SLCO3A1: variants seen among roughly 807,000 people sequenced by gnomAD.
SLCO3A1 encodes solute carrier organic anion transporter family member 3A1, also known as PGE1 transporter.
In SLCO3A1, 27 loss-of-function variants were observed where a neutral mutation model predicts 63.1. The ratio of observed to expected loss-of-function variants is 0.43; its 90% CI spans 0.32 to 0.59. The LOEUF (loss-of-function observed/expected upper bound fraction) is 0.59, where lower values mean the gene tolerates loss of function less well. SLCO3A1 is among the 20% of genes least tolerant of loss of function. SLCO3A1 has a pLI of 0.09. For synonymous variants in SLCO3A1, 473 were observed against 409.9 expected, an observed-to-expected ratio of 1.15 and a Z score of -1.86; for missense variants, 773 against 945.8, an observed-to-expected ratio of 0.82 and a Z score of 2.40.
At chr15:92,161,371 A>T (rs2048434578) in intron 9 of SLCO3A1, among the ~76,000 whole-genome samples, 1 of 152,182 alleles carries the variant, frequency 6.6e-6, no homozygotes, top group Admixed American at 6.5e-5. Flanking sequence ...ACCCTGGATG[A>T]TGATTGTCAT....
Position 91,941,010 on chromosome 15 carries a change from T to C in SLCO3A1, c.646+24552T>C, listed in dbSNP as rs1320237075. On this transcript the variant is annotated intron_variant, in intron 2 of 9. Coordinates refer to ENST00000318445, the MANE Select transcript of SLCO3A1 (RefSeq NM_013272.4). The surrounding 1 kb of genome is among the most constrained non-coding windows in gnomAD (Gnocchi z 4.4). ...CCTGCCGTTTTAGGAGGGTGATTTATTGAAGTGAAGGTAGAGGGAGTGGGT... is the reference window on the plus strand; with the variant it reads ...CCTGCCGTTTTAGGAGGGTGATTTACTGAAGTGAAGGTAGAGGGAGTGGGT... Among the ~76,000 whole-genome samples, 1 of 152,140 alleles carries C rather than the reference T, an allele frequency of 6.6e-6. No homozygotes were observed. The highest frequency in any genetic ancestry group is 1.5e-5 in the Non-Finnish European group (1 of 68,036).
rs908183059 is a variant in SLCO3A1, at chr15:91,885,063, A to C, written c.181-30930A>C. ...GTTCTCCAATTCTTGTTCCTTTAGA[A>C]GTAAAAAGCCTTTCCGTCCCATATA... On this transcript the variant is annotated intron_variant, in intron 1 of 9. Transcript: ENST00000318445. This position sits in a 1 kb window ranked among gnomAD's most constrained non-coding sequence, Gnocchi z 4.7. Among the ~76,000 whole-genome samples the C allele has an allele frequency of 6.6e-6, 1 of 152,094 alleles. No homozygotes were observed. The highest frequency in any genetic ancestry group is 1.5e-5 in the Non-Finnish European group (1 of 68,008).
At chr15:91,944,482 G>A (rs72751996) in intron 2 of SLCO3A1, among the ~76,000 whole-genome samples, 5,047 of 152,166 alleles carry the variant, frequency 0.033, 111 homozygotes, top group Non-Finnish European at 0.05. Flanking sequence ...CTGCAGCGTG[G>A]GGCTCAGAGT....
At chr15:92,023,798 T>G (rs1168376131) in intron 2 of SLCO3A1, among the ~76,000 whole-genome samples, 1 of 152,202 alleles carries the variant, frequency 6.6e-6, no homozygotes, top group Non-Finnish European at 1.5e-5. Context: ...CAAACTTAAC[T>G]TTAAAAGTTG....
chr15:92,025,229 GT>G (rs2046558397), intron 2 of SLCO3A1, among the ~76,000 whole-genome samples: 1 of 149,910 alleles, frequency 6.7e-6, no homozygotes, highest in African/African-American at 2.5e-5. Context: ...TGTTAGAAGA[GT>G]GGTATTTTCA....
intron 7 of SLCO3A1, among the ~76,000 whole-genome samples, chr15:92,130,723 A>G (rs1377258159): frequency 1.3e-5 from 2 of 152,052 alleles, no homozygotes; most frequent in African/African-American, 4.8e-5. Flanking sequence ...GAGTCAGAGA[A>G]ATCTCAGGCC....
In SLCO3A1 at chr15:91,872,476, G is replaced by C. The variant is rs1373579724; in HGVS notation, c.180+18388G>C. 6.6e-6 allele frequency among the ~76,000 whole-genome samples: 1 copy of C among 151,980 alleles called. No homozygotes were observed. The highest frequency in any genetic ancestry group is 1.5e-5 in the Non-Finnish European group (1 of 68,010). On this transcript the variant is annotated intron_variant, in intron 1 of 9. Coordinates refer to ENST00000318445, the MANE Select transcript of SLCO3A1 (RefSeq NM_013272.4). The surrounding 1 kb of genome is among the most constrained non-coding windows in gnomAD (Gnocchi z 4.1). Reference sequence around the variant, plus strand: ...GAACCCGGGAGGCGGATAGGTTGCAGTGAGCCGAGACCATGCCACCGCACT... The same window carrying C: ...GAACCCGGGAGGCGGATAGGTTGCACTGAGCCGAGACCATGCCACCGCACT...
intron 4 of SLCO3A1, among the ~76,000 whole-genome samples, chr15:92,117,823 T>C (rs2047814214): frequency 6.6e-6 from 1 of 152,220 alleles, no homozygotes; most frequent in South Asian, 2.1e-4. Flanking sequence ...GCTTACCTCA[T>C]TGTCCTCTGT....
In SLCO3A1 at chr15:91,853,729, G is replaced by GGCGGTT; in HGVS notation, c.-180_-179insGCGGTT. The GGCGGTT allele has an allele frequency of 1.8e-6, 1 of 563,430 alleles. No individual in the cohort carries two copies. Among genetic ancestry groups the GGCGGTT allele is most frequent in the Non-Finnish European group, 2.3e-6 (1 of 433,636 alleles). The allele number at this position is 563,430 out of a possible 1,614,324, so 34.9% of individuals were successfully genotyped here. A position where few individuals can be genotyped will look rare whatever the true frequency, so the allele number is the denominator to read the frequency against. On this transcript the variant is annotated 5_prime_UTR_variant, in exon 1 of 10. Coordinates refer to ENST00000318445, the MANE Select transcript of SLCO3A1 (RefSeq NM_013272.4). ...AGGGGCGATCGCGGCGGCGGCGGCG[G>GGCGGTT]CGGCGAGGAGCTGTGCCTTCCACCT...
intron 7 of SLCO3A1, among the ~76,000 whole-genome samples, chr15:92,130,039 C>T (rs2047973701): frequency 6.6e-6 from 1 of 152,024 alleles, no homozygotes; most frequent in African/African-American, 2.4e-5. Flanking sequence ...TTTTAATATC[C>T]AGAAAGTTAC....
At chr15:92,026,194 A>G (rs1216688078) in intron 2 of SLCO3A1, among the ~76,000 whole-genome samples, 2 of 152,150 alleles carry the variant, frequency 1.3e-5, no homozygotes, top group Non-Finnish European at 2.9e-5. Flanking sequence ...GTCGTTAGGA[A>G]AGGCAAGCAG....
Position 92,033,063 on chromosome 15 carries a change from G to A in SLCO3A1, c.647-61818G>A, listed in dbSNP as rs2046675420. 6.6e-6 allele frequency among the ~76,000 whole-genome samples: 1 copy of A among 152,072 alleles called. No homozygotes were observed. The highest frequency in any genetic ancestry group is 1.5e-5 in the Non-Finnish European group (1 of 68,020). On this transcript the variant is annotated intron_variant, in intron 2 of 9. Coordinates refer to ENST00000318445, the MANE Select transcript of SLCO3A1 (RefSeq NM_013272.4). The surrounding 1 kb of genome is among the most constrained non-coding windows in gnomAD (Gnocchi z 4.5). ...GCACTTAGAGCATGGATCAGAGCAAGGTATGTACAGGAAACTTTGTGATGC... is the reference window on the plus strand; with the variant it reads ...GCACTTAGAGCATGGATCAGAGCAAAGTATGTACAGGAAACTTTGTGATGC...
At chr15:92,126,506 A>C (rs2047925683) in intron 6 of SLCO3A1, among the ~76,000 whole-genome samples, 1 of 152,182 alleles carries the variant, frequency 6.6e-6, no homozygotes, top group African/African-American at 2.4e-5. Context: ...TGGCAGACTC[A>C]CATCGCGATT....
chr15:92,120,353 T>A, intron 4 of SLCO3A1, 112 bp from the exon 5 acceptor site: 2 of 1,121,740 alleles, frequency 1.8e-6, no homozygotes, highest in Non-Finnish European at 2.6e-6. Context: ...GGATGCTGTT[T>A]GCTGAAATGG....
intron 2 of SLCO3A1, among the ~76,000 whole-genome samples, chr15:91,991,903 CCAAAGT>C (rs1202390096): frequency 6.6e-6 from 1 of 151,486 alleles, no homozygotes; most frequent in East Asian, 2.0e-4. Flanking sequence ...TGGGGGTAAT[CCAAAGT>C]CAAAGATAGT....
At chr15:92,002,279 A>G (rs1214519555) in intron 2 of SLCO3A1, among the ~76,000 whole-genome samples, 1 of 152,194 alleles carries the variant, frequency 6.6e-6, no homozygotes, top group East Asian at 1.9e-4. Context: ...CCCTGTTCCA[A>G]GGCAGGCAAC....
chr15:91,951,705 C>A (rs1038142604), intron 2 of SLCO3A1, among the ~76,000 whole-genome samples: 3 of 151,962 alleles, frequency 2.0e-5, no homozygotes, highest in Admixed American at 6.6e-5. Context: ...AAGGCCTGCA[C>A]CACCACGCCT....
chr15:91,976,216 A>G (rs1026350027), intron 2 of SLCO3A1, among the ~76,000 whole-genome samples: 4 of 152,088 alleles, frequency 2.6e-5, no homozygotes, highest in African/African-American at 7.2e-5. Flanking sequence ...AAGCAAAGAA[A>G]CTCTATACAC....
chr15:92,108,161 C>T (rs960299962), intron 4 of SLCO3A1, among the ~76,000 whole-genome samples: 6 of 152,166 alleles, frequency 3.9e-5, no homozygotes, highest in Non-Finnish European at 7.3e-5. Flanking sequence ...CTGGAAGTCC[C>T]CATCTTATAG....
Sources: allele counts gnomAD v4.1 joint callset (sites outside exome capture counted in the v4.1 genomes callset), GRCh38; gene constraint gnomAD v4.1.1; non-coding constraint Gnocchi (gnomAD v3.1); transcripts MANE v1.5; gene names NCBI Gene and HGNC (gene_info 2026-07-23, HGNC 2026-07-21).